Variants in POFUT3 observed in about 807,000 individuals in gnomAD.
POFUT3 encodes GDP-fucose protein O-fucosyltransferase 3.
At chr8:33,352,250 AG>A in the POFUT3 span, among the ~76,000 whole-genome samples, 2 of 152,198 alleles carry the variant, frequency 1.3e-5, no homozygotes, top group Non-Finnish European at 2.9e-5. Context: ...GAGGAAGAAG[AG>A]GTGTTCCTGG....
At chr8:33,373,923 ATCAAAGTT>A in the POFUT3 span, among the ~76,000 whole-genome samples, 1 of 152,210 alleles carries the variant, frequency 6.6e-6, no homozygotes, top group East Asian at 1.9e-4. Context: ...GAACCAAGCA[ATCAAAGTT>A]AACATTACCA....
the POFUT3 span, chr8:33,461,261 A>AAT: frequency 4.4e-6 from 5 of 1,148,622 alleles, no homozygotes; most frequent in East Asian, 1.3e-4. Flanking sequence ...CTGATCCTGA[A>AAT]CACCCCTGAT....
the POFUT3 span, among the ~76,000 whole-genome samples, chr8:33,429,595 G>A: frequency 6.6e-6 from 1 of 152,030 alleles, no homozygotes; most frequent in South Asian, 2.1e-4. Flanking sequence ...GGCAGATGGA[G>A]GAAGGGGAGG....
chr8:33,388,329 C>CTTTTTTT, the POFUT3 span, among the ~76,000 whole-genome samples: 6 of 83,862 alleles, frequency 7.2e-5, no homozygotes, highest in Admixed American at 1.5e-4. Context: ...AAGCAGAACT[C>CTTTTTTT]TTTTTTTTTT....
chr8:33,353,517 C>T, the POFUT3 span, among the ~76,000 whole-genome samples: 3 of 152,302 alleles, frequency 2.0e-5, no homozygotes, highest in East Asian at 5.8e-4. Context: ...CAGATTCTTT[C>T]TCGTCTGCAC....
chr8:33,426,287 T>C, the POFUT3 span, among the ~76,000 whole-genome samples: 1 of 152,162 alleles, frequency 6.6e-6, no homozygotes, highest in South Asian at 2.1e-4. Flanking sequence ...GTGGTCAGTA[T>C]TGAATGAGTA....
the POFUT3 span, among the ~76,000 whole-genome samples, chr8:33,457,781 A>G: frequency 6.6e-6 from 1 of 152,162 alleles, no homozygotes; most frequent in Admixed American, 6.6e-5. Context: ...TAAAAAATAA[A>G]TATACATATA....
chr8:33,333,393 T>C, the POFUT3 span, among the ~76,000 whole-genome samples: 1 of 152,046 alleles, frequency 6.6e-6, no homozygotes, highest in African/African-American at 2.4e-5. Context: ...ACAGATATAC[T>C]CCCTTCCTTT....
At chr8:33,360,491 A>G in the POFUT3 span, among the ~76,000 whole-genome samples, 2 of 142,764 alleles carry the variant, frequency 1.4e-5, no homozygotes, top group Admixed American at 6.9e-5. Flanking sequence ...AATAAATATC[A>G]GGAAACTTTT....
the POFUT3 span, among the ~76,000 whole-genome samples, chr8:33,437,448 A>G: frequency 6.6e-6 from 1 of 152,180 alleles, no homozygotes; most frequent in Non-Finnish European, 1.5e-5. Flanking sequence ...AGGGGAAAAA[A>G]AAACCATATA....
chr8:33,313,016 G>C, the POFUT3 span, among the ~76,000 whole-genome samples: 65,324 of 151,944 alleles, frequency 0.43, 15,796 homozygotes, highest in East Asian at 0.8. Context: ...TAATTAATAT[G>C]TACTGAGTAC....
the POFUT3 span, among the ~76,000 whole-genome samples, chr8:33,324,295 G>T: frequency 6.6e-6 from 1 of 152,094 alleles, no homozygotes; most frequent in Non-Finnish European, 1.5e-5. Flanking sequence ...CATGGATAAT[G>T]GTGAGCAAAT....
At chr8:33,369,390 T>C in the POFUT3 span, among the ~76,000 whole-genome samples, 4 of 152,218 alleles carry the variant, frequency 2.6e-5, no homozygotes, top group African/African-American at 7.2e-5. Flanking sequence ...GACAACAAGA[T>C]ATATGCTGAT....
chr8:33,374,511 T>C, the POFUT3 span, among the ~76,000 whole-genome samples: 1 of 152,308 alleles, frequency 6.6e-6, no homozygotes, highest in East Asian at 1.9e-4. Context: ...GTATCCCGAA[T>C]TTGATCCTAG....
At chr8:33,312,443 C>T in the POFUT3 span, among the ~76,000 whole-genome samples, 1 of 152,086 alleles carries the variant, frequency 6.6e-6, no homozygotes, top group Non-Finnish European at 1.5e-5. Context: ...CTTCCCTAGG[C>T]CTTTAAAGAG....
chr8:33,451,782 G>A, the POFUT3 span: 4 of 152,124 alleles, frequency 2.6e-5, no homozygotes, highest in African/African-American at 9.7e-5. Flanking sequence ...GGAGGCCTCA[G>A]GAAATTTACA....
At chr8:33,324,473 A>T in the POFUT3 span, among the ~76,000 whole-genome samples, 1 of 152,120 alleles carries the variant, frequency 6.6e-6, no homozygotes, top group African/African-American at 2.4e-5. Context: ...TTCCTAATTC[A>T]AGATTGAGAC....
At chr8:33,399,641 G>A in the POFUT3 span, among the ~76,000 whole-genome samples, 1 of 151,048 alleles carries the variant, frequency 6.6e-6, no homozygotes, top group African/African-American at 2.4e-5. Context: ...ACTATTGAAA[G>A]TAGTCATCTT....
At chr8:33,353,605 C>T in the POFUT3 span, among the ~76,000 whole-genome samples, 4 of 152,180 alleles carry the variant, frequency 2.6e-5, no homozygotes, top group Non-Finnish European at 5.9e-5. Context: ...GATTGTGCAA[C>T]TTCAACAGAG....
Sources: gnomAD v4.1 joint callset for allele counts (sites outside exome capture counted in the v4.1 genomes callset) on GRCh38, gnomAD v4.1.1 for gene constraint, MANE v1.5 for transcripts, NCBI Gene and HGNC (gene_info 2026-07-23, HGNC 2026-07-21) for gene names.